The following TAFA2 variants were observed in gnomAD, a reference collection of about 807,000 sequenced individuals.
The protein encoded by TAFA2 is TAFA chemokine like family member 2.
TAFA2 carries 7 observed loss-of-function variants against 18.8 expected under a neutral mutation model. The ratio of observed to expected loss-of-function variants is 0.37; its 90% confidence interval spans 0.21 to 0.70. The LOEUF is 0.70. Among genes scored for constraint, TAFA2 ranks in the 30% least tolerant of loss-of-function variants. The pLI, the probability that TAFA2 is intolerant of heterozygous loss-of-function variation, is 0.53. For missense variants in TAFA2, 122 were observed against 158.1 expected (o/e 0.77, Z 1.23); for synonymous variants, 60 against 54.2 (o/e 1.11, Z -0.47).
chr12:61,950,998 C>T (rs879833392), intron 1 of TAFA2, among the ~76,000 whole-genome samples: 2 of 152,086 alleles, frequency 1.3e-5, no homozygotes, highest in Non-Finnish European at 2.9e-5. Flanking sequence ...ATTGGCTATA[C>T]AATTTAGCAA....
At chr12:62,177,459 G>C (rs978348830) in intron 1 of TAFA2, among the ~76,000 whole-genome samples, 58 of 152,154 alleles carry the variant, frequency 3.8e-4, no homozygotes, top group African/African-American at 1.1e-3. Flanking sequence ...ACACATTATT[G>C]TTCCCCAAAT....
chr12:61,886,791 G>T (rs556204756), intron 1 of TAFA2, among the ~76,000 whole-genome samples: 32 of 152,242 alleles, frequency 2.1e-4, no homozygotes, highest in African/African-American at 5.8e-4. Flanking sequence ...TCATGAATTG[G>T]GGGGCTATTG....
At chr12:62,202,853 A>T (rs1210353231) in intron 1 of TAFA2, among the ~76,000 whole-genome samples, 8 of 94,306 alleles carry the variant, frequency 8.5e-5, no homozygotes, top group African/African-American at 3.2e-4. Context: ...TTTTTTAGAC[A>T]GTCTTGCTCT....
chr12:61,759,416 T>C (rs1178401545), intron 2 of TAFA2, among the ~76,000 whole-genome samples: 1 of 149,294 alleles, frequency 6.7e-6, no homozygotes, highest in Non-Finnish European at 1.5e-5. Context: ...CTTTAAGAGC[T>C]ACTGTGTAAT....
chr12:61,843,185 A>G (rs2121132030), intron 2 of TAFA2, among the ~76,000 whole-genome samples: 1 of 152,160 alleles, frequency 6.6e-6, no homozygotes, highest in Admixed American at 6.6e-5. Flanking sequence ...GCAATCATGA[A>G]AAGTTATTTC....
At chr12:62,006,350 C>T (rs570040590) in intron 1 of TAFA2, among the ~76,000 whole-genome samples, 1 of 152,212 alleles carries the variant, frequency 6.6e-6, no homozygotes, top group South Asian at 2.1e-4. Flanking sequence ...AATGGTCATA[C>T]TTCAAACCAA....
At chr12:61,735,679 A>AT (rs757873658) in intron 4 of TAFA2, among the ~76,000 whole-genome samples, 2 of 151,060 alleles carry the variant, frequency 1.3e-5, no homozygotes, top group Non-Finnish European at 3.0e-5. Context: ...TTATTAGTCC[A>AT]TTTTTTTTAG....
intron 1 of TAFA2, among the ~76,000 whole-genome samples, chr12:61,894,375 C>G (rs561095286): frequency 1.3e-5 from 2 of 152,154 alleles, no homozygotes; most frequent in Non-Finnish European, 1.5e-5. Context: ...AACCTTTGGA[C>G]CTCTTGACCT....
intron 1 of TAFA2, among the ~76,000 whole-genome samples, chr12:62,014,581 G>A (rs893477772): frequency 4.6e-5 from 7 of 152,142 alleles, no homozygotes; most frequent in African/African-American, 1.7e-4. Context: ...GCAGTGAGCA[G>A]AGATGGCGCC....
intron 2 of TAFA2, among the ~76,000 whole-genome samples, chr12:61,820,707 G>C (rs994315588): frequency 6.6e-6 from 1 of 151,994 alleles, no homozygotes; most frequent in African/African-American, 2.4e-5. Context: ...AAAGTGAAAA[G>C]AACTCTACTG....
chr12:62,019,414 T>C (rs964581890), intron 1 of TAFA2, among the ~76,000 whole-genome samples: 3 of 52,848 alleles, frequency 5.7e-5, no homozygotes, highest in Admixed American at 1.8e-4. Context: ...AGCAAAGACT[T>C]GGACCCAAAT....
chr12:62,015,115 C>T (rs775852724), intron 1 of TAFA2, among the ~76,000 whole-genome samples: 7 of 152,182 alleles, frequency 4.6e-5, no homozygotes, highest in Non-Finnish European at 8.8e-5. Flanking sequence ...CTCCAACTTC[C>T]TGCAATTTAA....
chr12:62,057,977 G>A (rs1390960319), intron 1 of TAFA2, among the ~76,000 whole-genome samples: 2 of 152,020 alleles, frequency 1.3e-5, no homozygotes, highest in Non-Finnish European at 1.5e-5. Flanking sequence ...TCACCCAATG[G>A]CAAGCTCTCT....
At chr12:61,746,855 AC>A (rs796891494) in intron 4 of TAFA2, among the ~76,000 whole-genome samples, 12 of 152,246 alleles carry the variant, frequency 7.9e-5, no homozygotes, top group African/African-American at 2.4e-4. Flanking sequence ...ATTCTTTCTC[AC>A]AAAATCTGTA....
At chr12:62,163,445 T>C (rs1183800721) in intron 1 of TAFA2, among the ~76,000 whole-genome samples, 1 of 152,162 alleles carries the variant, frequency 6.6e-6, no homozygotes, top group Non-Finnish European at 1.5e-5. Context: ...TAAGATGGCA[T>C]GGCTGTTTAA....
chr12:62,170,455 A>T (rs1451848789), intron 1 of TAFA2, among the ~76,000 whole-genome samples: 1 of 152,162 alleles, frequency 6.6e-6, no homozygotes, highest in African/African-American at 2.4e-5. Flanking sequence ...TTGTACATCA[A>T]GTCAGTCAGG....
intron 1 of TAFA2, among the ~76,000 whole-genome samples, chr12:61,917,528 C>A (rs2121357072): frequency 6.6e-6 from 1 of 152,212 alleles, no homozygotes; most frequent in South Asian, 2.1e-4. Flanking sequence ...GAACTCTGCA[C>A]CCTTCATAAC....
chr12:61,994,131 C>G (rs141506938), intron 1 of TAFA2, among the ~76,000 whole-genome samples: 1 of 152,296 alleles, frequency 6.6e-6, no homozygotes, highest in African/African-American at 2.4e-5. Context: ...GATATGTTCA[C>G]TTGACCCATT....
At chr12:62,126,695 G>C (rs899541661) in intron 1 of TAFA2, among the ~76,000 whole-genome samples, 8 of 152,052 alleles carry the variant, frequency 5.3e-5, no homozygotes, top group African/African-American at 1.9e-4. Context: ...AAACGATGCA[G>C]TAATGCTGAC....
Sources: gnomAD v4.1 joint callset for allele counts (sites outside exome capture counted in the v4.1 genomes callset) on GRCh38, gnomAD v4.1.1 for gene constraint, MANE v1.5 for transcripts, NCBI Gene and HGNC (gene_info 2026-07-23, HGNC 2026-07-21) for gene names.